The following CENPE variants were observed in gnomAD, a reference collection of about 807,000 sequenced individuals.
CENPE encodes centromere-associated protein E.
Under a neutral mutation model 336.1 loss-of-function variants are expected in CENPE, and 145 were observed. That is an observed-to-expected ratio of 0.43 (90% confidence interval 0.38 to 0.50). The LOEUF (loss-of-function observed/expected upper bound fraction) is 0.50. Ranked by LOEUF, CENPE falls within the 20% of genes least tolerant of loss-of-function variation. The pLI, the probability that CENPE is intolerant of heterozygous loss-of-function variation, is 0.00. For synonymous variants in CENPE, 1,013 were observed against 984.8 expected, an observed-to-expected ratio of 1.03 and a Z score of -0.54; for missense variants, 2,719 against 3,023.3, an observed-to-expected ratio of 0.90 and a Z score of 2.36.
intron 26 of CENPE, among the ~76,000 whole-genome samples, chr4:103,150,000 G>A (rs1263772436): frequency 6.6e-6 from 1 of 152,148 alleles, no homozygotes; most frequent in Non-Finnish European, 1.5e-5. Flanking sequence ...AACTGATTAA[G>A]GAGATAAGGG....
chr4:103,157,221 G>T (rs1485230695), intron 24 of CENPE, among the ~76,000 whole-genome samples: 1 of 151,916 alleles, frequency 6.6e-6, no homozygotes, highest in East Asian at 1.9e-4. Context: ...ATATAACCTA[G>T]CAATTCCACT....
At chr4:103,194,933 TGTCA>T (rs888535381) in intron 5 of CENPE, among the ~76,000 whole-genome samples, 177 bp downstream of exon 5, 8 of 152,148 alleles carry the variant, frequency 5.3e-5, no homozygotes, top group Non-Finnish European at 1.2e-4. Context: ...ATATTAGAGC[TGTCA>T]GTATTTTAAA....
In CENPE at chr4:103,109,120, T is replaced by C. The variant is rs754379072; in HGVS notation, c.7725-31A>G. On this transcript the variant is annotated intron_variant, in intron 47 of 48. Coordinates refer to ENST00000265148, the MANE Select transcript of CENPE (RefSeq NM_001813.3). ...ATGTGGGGGAAGAAAAGAGAGACTG[T>C]AAGACTTCTTGATTCTTAAGATGTA... 10 of 1,547,114 alleles carry C rather than the reference T, an allele frequency of 6.5e-6. No homozygotes were observed. In the African/African-American group the frequency reaches 1.2e-4, roughly 19 times the overall value.
In CENPE at chr4:103,159,243, T is replaced by C; in HGVS notation, c.2368A>G (p.Arg790Gly). 2 of 1,607,570 alleles carry C rather than the reference T, an allele frequency of 1.2e-6. No individual in the cohort carries two copies. The highest frequency in any genetic ancestry group is 8.5e-7 in the Non-Finnish European group (1 of 1,175,550). ...LFSEVVHKES[R>G]VQGLLEEIGK... ...ATTTCTTCAAGTAAACCTTGAACTCTACTCTCCTTATGAACTACTTCAGAA... is the reference window on the plus strand; with the variant it reads ...ATTTCTTCAAGTAAACCTTGAACTCCACTCTCCTTATGAACTACTTCAGAA... Residue 790 changes from arginine to glycine, a missense_variant, in exon 22 of 49, where the codon AGA (arginine) becomes GGA (glycine). Physicochemically the swap from Arg to Gly is moderately radical, Grantham distance 125. Around this residue, in one of 5 missense-constraint regions of CENPE, gnomAD observed 2,437 missense variants for 2,513.3 expected, o/e 0.97. Transcript: ENST00000265148.
Position 103,145,996 on chromosome 4 carries a change from G to C in CENPE, c.4246C>G (p.Leu1416Val). The C allele has an allele frequency of 1.2e-6, 2 of 1,613,932 alleles. No individual in the cohort carries two copies. Among genetic ancestry groups the C allele is most frequent in the South Asian group, 1.1e-5 (1 of 91,070 alleles). ...MEQFKPKDSA[L>V]LRIEIEMLGL... ...AGCATTTCTATTTCTATCCTTAGTAGTGCTGAATCTTTGGGTTTGAATTGC... is the reference window on the plus strand; with the variant it reads ...AGCATTTCTATTTCTATCCTTAGTACTGCTGAATCTTTGGGTTTGAATTGC... The change falls in exon 30 of 49, where the codon CTA (leucine) becomes GTA (valine). Residue 1416 changes from leucine to valine, a missense_variant. By Grantham distance (32) the Leu-to-Val change is conservative (BLOSUM62 1). This residue lies in a region of CENPE where 2,437 missense variants were observed against 2,513.3 expected (regional missense o/e 0.97). Transcript: ENST00000265148.
At chr4:103,126,832 G>A (rs1029013271) in intron 42 of CENPE, among the ~76,000 whole-genome samples, 39 of 152,004 alleles carry the variant, frequency 2.6e-4, no homozygotes, top group African/African-American at 8.9e-4. Flanking sequence ...GCTGAAGAAA[G>A]AAACTCAACT....
chr4:103,181,540 C>T (rs1756326849), intron 11 of CENPE, 84 bp from the exon 12 acceptor site: 1 of 1,175,740 alleles, frequency 8.5e-7, no homozygotes, highest in African/African-American at 1.6e-5. Flanking sequence ...TTCTTATATT[C>T]AAGATTAAAA....
chr4:103,143,475 G>A, intron 33 of CENPE, 69 bp from the exon 34 acceptor site: 1 of 1,050,906 alleles, frequency 9.5e-7, no homozygotes, highest in South Asian at 1.4e-5. Flanking sequence ...GAAAGGTATA[G>A]GGCAGGAGGT....
chr4:103,114,312 TC>T, intron 46 of CENPE, 142 bp downstream of exon 46: 1 of 562,540 alleles, frequency 1.8e-6, no homozygotes, highest in East Asian at 2.9e-5. Flanking sequence ...GAAATATGGT[TC>T]CAATAAATTC....
chr4:103,151,382 AAAG>A lies in CENPE; in HGVS notation c.3238-8_3238-6del. 1 of 1,551,294 alleles carries A rather than the reference AAAG, an allele frequency of 6.4e-7. No homozygotes were observed. The highest frequency in any genetic ancestry group is 8.6e-7 in the Non-Finnish European group (1 of 1,158,638). ...TTCTTCCTGGTTTTCAATGGTCTAG[AAAG>A]AAAAAAAAAGTTGAGATTAAAGTAA... is the stretch of plus-strand genomic sequence containing the variant. On this transcript the variant is annotated splice_polypyrimidine_tract_variant and splice_region_variant and intron_variant, in intron 25 of 48. Transcript: ENST00000265148.
Position 103,195,245 on chromosome 4 carries a change from A to G in CENPE, c.358-12T>C. On this transcript the variant is annotated splice_polypyrimidine_tract_variant and intron_variant, in intron 4 of 48. Coordinates refer to ENST00000265148, the MANE Select transcript of CENPE (RefSeq NM_001813.3). ...TCCCTATCAGGAAACTAGAAGAAAA[A>G]AAATTATATAAAAACACCAGGAAGC... The G allele has an allele frequency of 1.3e-6, 2 of 1,563,958 alleles. No individual in the cohort carries two copies. The highest frequency in any genetic ancestry group is 4.6e-5 in the East Asian group (2 of 43,344).
At chr4:103,143,937 T>C (rs1214168503) in intron 33 of CENPE, among the ~76,000 whole-genome samples, 2 of 152,122 alleles carry the variant, frequency 1.3e-5, no homozygotes, top group Non-Finnish European at 2.9e-5. Flanking sequence ...TATTATTTTT[T>C]ATTTTATTTT....
chr4:103,151,879 C>T (rs2125945490), intron 25 of CENPE, among the ~76,000 whole-genome samples: 1 of 152,270 alleles, frequency 6.6e-6, no homozygotes, highest in South Asian at 2.1e-4. Flanking sequence ...AAGCCAGAGA[C>T]TGAGAAGAAA....
chr4:103,182,531 A>C (rs1756410384), intron 11 of CENPE, among the ~76,000 whole-genome samples: 1 of 152,224 alleles, frequency 6.6e-6, no homozygotes, highest in African/African-American at 2.4e-5. Flanking sequence ...TATTTTAAAA[A>C]TATCAAGTCA....
rs866181569 is a variant in CENPE at position 103,132,960 on chromosome 4, T to A, written c.6721-64A>T. The A allele has an allele frequency of 9.2e-4, 137 of 148,152 alleles. No homozygotes were observed. In the Middle Eastern group the frequency reaches 0.013, roughly 14 times the overall value. 9.2% of individuals were successfully genotyped at this position (148,152 alleles called of 1,614,324 possible). A position where few individuals can be genotyped will look rare whatever the true frequency, so the allele number is the denominator to read the frequency against. ...GAAAGTTTTGATCCAAATATTTTAT[T>A]TATATATATATATATATATATATAA... On this transcript the variant is annotated intron_variant, in intron 41 of 48. Transcript: ENST00000265148.
intron 22 of CENPE, 43 bp from the exon 23 acceptor site, chr4:103,158,929 C>T (rs1469673353): frequency 1.9e-6 from 3 of 1,560,434 alleles, no homozygotes; most frequent in Non-Finnish European, 2.6e-6. Flanking sequence ...AAAAGCAGAG[C>T]AGTCTGAGGC....
rs1752824953 is a variant in CENPE, at chr4:103,144,312, T to C, written c.5145+19A>G. On this transcript the variant is annotated intron_variant, in intron 33 of 48. Transcript: ENST00000265148. ...CTCAATGTCATAGTTACTAGAGGTG[T>C]AGAGAGATGGTAACTCACTCTAGTT... 3 of 1,576,226 alleles carry C rather than the reference T, an allele frequency of 1.9e-6. No individual in the cohort carries two copies. The highest frequency in any genetic ancestry group is 4.5e-5 in the East Asian group (2 of 44,718).
Position 103,145,866 on chromosome 4 carries a change from T to A in CENPE, c.4376A>T (p.Asp1459Val). 6.2e-7 allele frequency: 1 copy of A among 1,611,370 alleles called. No individual in the cohort carries two copies. Residue 1459 changes from aspartate to valine, a missense_variant, in exon 30 of 49, where the codon GAC becomes GTC. Coordinates refer to ENST00000265148, the MANE Select transcript of CENPE (RefSeq NM_001813.3). ...RLQEVLQSES[D>V]QLKENIKEIV... Reference sequence around the variant, plus strand: ...TTCTTTTATGTTTTCTTTGAGCTGGTCACTTTCAGATTGAAGAACTTCTTG... The same window carrying A: ...TTCTTTTATGTTTTCTTTGAGCTGGACACTTTCAGATTGAAGAACTTCTTG...
At chr4:103,114,621 G>A in intron 45 of CENPE, 69 bp from the exon 46 acceptor site, 1 of 939,876 alleles carries the variant, frequency 1.1e-6, no homozygotes, top group Non-Finnish European at 1.7e-6. Flanking sequence ...AAACAGAACT[G>A]CTGTGAAGGA....
Sources: gnomAD v4.1 joint callset for allele counts (sites outside exome capture counted in the v4.1 genomes callset) on GRCh38, gnomAD v4.1.1 for gene constraint, gnomAD v4.1.1 regional missense constraint, MANE v1.5 for transcripts, NCBI Gene and HGNC (gene_info 2026-07-23, HGNC 2026-07-21) for gene names.